Variants in PRICKLE2 observed in about 807,000 individuals in gnomAD.
PRICKLE2 encodes prickle-like protein 2.
Under a neutral mutation model 81.4 loss-of-function variants are expected in PRICKLE2, and 21 were observed. That is an observed-to-expected ratio of 0.26 (90% CI 0.18 to 0.37). The LOEUF (loss-of-function observed/expected upper bound fraction) is 0.37, where lower values mean the gene tolerates loss of function less well. PRICKLE2 is among the 10% of genes least tolerant of loss of function. PRICKLE2 has a pLI of 1.00. For synonymous variants in PRICKLE2, 456 were observed against 421.5 expected, an observed-to-expected ratio of 1.08 and a Z score of -1.00; for missense variants, 940 against 1,109.0, an observed-to-expected ratio of 0.85 and a Z score of 2.16.
chr3:64,098,958 A>AC lies in PRICKLE2; in HGVS notation c.*92dup. The AC allele has an allele frequency of 6.8e-7, 1 of 1,476,634 alleles. No homozygotes were observed. Among genetic ancestry groups the AC allele is most frequent in the Non-Finnish European group, 9.4e-7 (1 of 1,058,398 alleles). 91.5% of individuals were successfully genotyped at this position (1,476,634 alleles called of 1,614,324 possible). A position where few individuals can be genotyped will look rare whatever the true frequency, so the allele number is the denominator to read the frequency against. On this transcript the variant is annotated 3_prime_UTR_variant, in exon 8 of 8. Coordinates refer to ENST00000638394, the MANE Select transcript of PRICKLE2 (RefSeq NM_198859.4). Reference sequence around the variant, plus strand: ...TTTTCCCTTTTCTCCCCCATAAGCCACCCCCAAAAGCGCTTTAACATTTAA... The same window carrying AC: ...TTTTCCCTTTTCTCCCCCATAAGCCACCCCCCAAAAGCGCTTTAACATTTAA...
chr3:64,135,143 G>A (rs1201833775), intron 7 of PRICKLE2, among the ~76,000 whole-genome samples: 4 of 152,178 alleles, frequency 2.6e-5, no homozygotes, highest in Admixed American at 6.5e-5. Flanking sequence ...TAAATGACTC[G>A]AAGAAGCAAG....
At chr3:64,267,412 T>C (rs1036402649) in intron 2 of PRICKLE2, among the ~76,000 whole-genome samples, 3 of 151,002 alleles carry the variant, frequency 2.0e-5, no homozygotes, top group Non-Finnish European at 4.4e-5. Flanking sequence ...TTCGGGGATA[T>C]AAGCTCAAAA....
chr3:64,210,972 G>C lies in PRICKLE2; in HGVS notation c.-40-12005C>G, dbSNP rs542444833. The stretch of plus-strand genomic sequence containing the variant: ...AGGGTAGGATGCCAATAGAGTGTAA[G>C]TTAATGAACAGGTAGCAGCTTTGAG... On this transcript the variant is annotated intron_variant, in intron 1 of 7. Transcript: ENST00000638394. Among the ~76,000 whole-genome samples, 6 of 152,188 alleles carry C rather than the reference G, an allele frequency of 3.9e-5. No individual in the cohort carries two copies. The South Asian group carries it at 1.2e-3, about 31-fold the overall frequency.
intron 2 of PRICKLE2, chr3:64,267,886 G>T (rs146218654): frequency 2.0e-5 from 3 of 152,228 alleles, no homozygotes; most frequent in African/African-American, 7.2e-5. Context: ...CCGGCTATGG[G>T]GGGGCCACTT....
chr3:64,198,511 G>A (rs1034702005), intron 2 of PRICKLE2, among the ~76,000 whole-genome samples: 2 of 152,124 alleles, frequency 1.3e-5, no homozygotes, highest in East Asian at 3.9e-4. Context: ...ATTTCACTGA[G>A]AAAAATGTGG....
intron 1 of PRICKLE2, among the ~76,000 whole-genome samples, chr3:64,205,687 T>C (rs1039918618): frequency 6.6e-6 from 1 of 152,206 alleles, no homozygotes; most frequent in African/African-American, 2.4e-5. Context: ...TCGAATGGGA[T>C]TGCAAACATC....
At chr3:64,240,110 C>A (rs2107170131) in intron 2 of PRICKLE2, among the ~76,000 whole-genome samples, 1 of 152,182 alleles carries the variant, frequency 6.6e-6, no homozygotes. Context: ...GCGACAGAGA[C>A]CCTGTCTCAA....
intron 2 of PRICKLE2, among the ~76,000 whole-genome samples, chr3:64,239,950 AC>A (rs1322363450): frequency 9.0e-6 from 1 of 111,614 alleles, no homozygotes; most frequent in African/African-American, 3.8e-5. Flanking sequence ...CCCCATCGCT[AC>A]CAAAAAAAAA....
At chr3:64,150,225 G>T (rs1426374000) in intron 6 of PRICKLE2, among the ~76,000 whole-genome samples, 1 of 152,028 alleles carries the variant, frequency 6.6e-6, no homozygotes, top group Non-Finnish European at 1.5e-5. Context: ...TCCCACAGCA[G>T]CTGGTTGTAA....
At chr3:64,208,842 T>A (rs886652223) in intron 1 of PRICKLE2, among the ~76,000 whole-genome samples, 1 of 152,210 alleles carries the variant, frequency 6.6e-6, no homozygotes, top group Non-Finnish European at 1.5e-5. Context: ...ACCAGTGCTT[T>A]CTCCTACCTT....
chr3:64,149,969 CTTTTTT>C (rs34841544), intron 6 of PRICKLE2, among the ~76,000 whole-genome samples: 1 of 109,726 alleles, frequency 9.1e-6, no homozygotes, highest in East Asian at 3.2e-4. Flanking sequence ...TCAACTCCAT[CTTTTTT>C]TTTTTTTTTT....
In PRICKLE2 at chr3:64,153,424, A is replaced by G. The variant is rs2077577353; in HGVS notation, c.601-56T>C. ...GTAAAACCCATCCAGAACATATTTT[A>G]AAGGAAGAAAGCTATGGGGTCCTTG... On this transcript the variant is annotated intron_variant, in intron 5 of 7. Transcript: ENST00000638394. The G allele has an allele frequency of 1.2e-5, 18 of 1,560,456 alleles. No homozygotes were observed. The South Asian group carries it at 1.2e-4, about 11-fold the overall frequency.
intron 2 of PRICKLE2, 97 bp from the exon 3 acceptor site, chr3:64,163,226 T>G: frequency 1.2e-6 from 1 of 807,844 alleles, no homozygotes; most frequent in African/African-American, 1.7e-5. Flanking sequence ...AGGATGTAAC[T>G]GACTTCTGCA....
chr3:64,155,833 C>A (rs553689185), intron 5 of PRICKLE2, among the ~76,000 whole-genome samples: 1 of 152,034 alleles, frequency 6.6e-6, no homozygotes, highest in East Asian at 1.9e-4. Flanking sequence ...TCCACAGAGA[C>A]AGAAATAGAT....
intron 6 of PRICKLE2, among the ~76,000 whole-genome samples, chr3:64,150,665 C>T (rs1031603858): frequency 6.6e-6 from 1 of 152,116 alleles, no homozygotes; most frequent in Non-Finnish European, 1.5e-5. Flanking sequence ...TGCGGCTATC[C>T]CCACTCCCTG....
At chr3:64,217,442 A>G (rs542324645) in intron 1 of PRICKLE2, among the ~76,000 whole-genome samples, 106 of 152,346 alleles carry the variant, frequency 7.0e-4, no homozygotes, top group African/African-American at 2.3e-3. Flanking sequence ...AATAGTGTAC[A>G]TTGTACCCAT....
At chr3:64,195,549 T>C (rs906219807) in intron 2 of PRICKLE2, among the ~76,000 whole-genome samples, 1 of 152,214 alleles carries the variant, frequency 6.6e-6, no homozygotes, top group African/African-American at 2.4e-5. Context: ...TTACACTCAC[T>C]ATAATTTCTC....
At chr3:64,126,369 G>A (rs938081749) in intron 7 of PRICKLE2, among the ~76,000 whole-genome samples, 4 of 152,102 alleles carry the variant, frequency 2.6e-5, no homozygotes, top group African/African-American at 4.8e-5. Flanking sequence ...GAGAAACCAC[G>A]GCAGGTAGTT....
At chr3:64,219,065 G>A (rs563249274) in intron 1 of PRICKLE2, among the ~76,000 whole-genome samples, 1 of 152,224 alleles carries the variant, frequency 6.6e-6, no homozygotes, top group East Asian at 1.9e-4. Context: ...GAAGCTTCCC[G>A]CCATTCTCTG....
Sources: allele counts gnomAD v4.1 joint callset (sites outside exome capture counted in the v4.1 genomes callset), GRCh38; gene constraint gnomAD v4.1.1; transcripts MANE v1.5; gene names NCBI Gene and HGNC (gene_info 2026-07-23, HGNC 2026-07-21).